SGCZ: variants seen among roughly 807,000 people sequenced by gnomAD.
SGCZ encodes sarcoglycan zeta.
In SGCZ, 40 loss-of-function variants were observed where a neutral mutation model predicts 41.3. That is an observed-to-expected ratio of 0.97 (90% CI 0.75 to 1.26). SGCZ has a LOEUF of 1.26. Ranked by LOEUF, SGCZ falls within the 50% of genes most tolerant of loss-of-function variation. The pLI is 0.00. For missense variants in SGCZ, 552 were observed against 369.8 expected, an observed-to-expected ratio of 1.49 and a Z score of -4.04; for synonymous variants, 206 against 137.5, an observed-to-expected ratio of 1.50 and a Z score of -3.49.
intron 1 of SGCZ, among the ~76,000 whole-genome samples, chr8:15,105,901 A>G (rs1367043679): frequency 6.6e-6 from 1 of 151,290 alleles, no homozygotes; most frequent in South Asian, 2.1e-4. Context: ...GCTTTTTGCC[A>G]AAAGAGCCAA....
intron 1 of SGCZ, among the ~76,000 whole-genome samples, chr8:14,707,888 A>G (rs568050875): frequency 6.6e-6 from 1 of 152,256 alleles, no homozygotes; most frequent in South Asian, 2.1e-4. Flanking sequence ...TAACAATAGC[A>G]TGCAATCATT....
At chr8:14,438,307 G>C (rs527316494) in intron 2 of SGCZ, among the ~76,000 whole-genome samples, 1 of 152,056 alleles carries the variant, frequency 6.6e-6, no homozygotes, top group South Asian at 2.1e-4. Flanking sequence ...GGTCAATAGA[G>C]TGTATTTATC....
At chr8:14,151,484 G>T (rs2116952473) in intron 5 of SGCZ, among the ~76,000 whole-genome samples, 1 of 151,832 alleles carries the variant, frequency 6.6e-6, no homozygotes, top group South Asian at 2.1e-4. Context: ...ATAGATCAGA[G>T]GATTCAATAT....
intron 1 of SGCZ, among the ~76,000 whole-genome samples, chr8:14,685,743 T>G (rs1197385132): frequency 6.6e-6 from 1 of 152,158 alleles, no homozygotes; most frequent in Non-Finnish European, 1.5e-5. Flanking sequence ...AATGTATGAT[T>G]TAATTTACAG....
chr8:14,223,848 T>C (rs1333116593), intron 4 of SGCZ, among the ~76,000 whole-genome samples: 1 of 152,158 alleles, frequency 6.6e-6, no homozygotes, highest in East Asian at 1.9e-4. Context: ...TTTCTCCCAC[T>C]AGGAAATGAA....
At chr8:14,822,073 T>TACACAC (rs57337707) in intron 1 of SGCZ, among the ~76,000 whole-genome samples, 12,178 of 141,538 alleles carry the variant, frequency 0.086, 1,034 homozygotes, top group African/African-American at 0.21. Flanking sequence ...CCCTAAAGAT[T>TACACAC]ACACACACAC....
chr8:14,714,575 A>G (rs1317724903), intron 1 of SGCZ, among the ~76,000 whole-genome samples: 1 of 152,196 alleles, frequency 6.6e-6, no homozygotes, highest in African/African-American at 2.4e-5. Context: ...CTTAGCCAAT[A>G]ATAATGTCAA....
intron 5 of SGCZ, among the ~76,000 whole-genome samples, chr8:14,122,939 T>A (rs1476122553): frequency 1.3e-5 from 2 of 152,210 alleles, no homozygotes; most frequent in Non-Finnish European, 2.9e-5. Context: ...CTCAACTGAA[T>A]GTCATCTTAA....
intron 2 of SGCZ, among the ~76,000 whole-genome samples, chr8:14,384,296 TATC>T (rs1310087759): frequency 1.3e-5 from 2 of 152,112 alleles, no homozygotes; most frequent in Non-Finnish European, 2.9e-5. Flanking sequence ...GACATGAACT[TATC>T]ATTTTTTTAT....
At position 14,088,599 on chromosome 8, in the gene SGCZ, G is replaced by A. The variant is rs991930843; in HGVS notation, c.*1844C>T. ...TTGTGTTATAACTTTGTAAGCAATC[G>A]TATATCATAAATTCTTATTTCAATA... is the stretch of plus-strand genomic sequence containing the variant. On this transcript the variant is annotated 3_prime_UTR_variant, in exon 8 of 8. Transcript: ENST00000382080. Among the ~76,000 whole-genome samples, 6 of 151,386 alleles carry A rather than the reference G, an allele frequency of 4.0e-5. No individual in the cohort carries two copies. The highest frequency in any genetic ancestry group is 2.1e-4 in the South Asian group (1 of 4,814).
chr8:15,148,016 A>G (rs1799082374), intron 1 of SGCZ, among the ~76,000 whole-genome samples: 1 of 152,006 alleles, frequency 6.6e-6, no homozygotes, highest in Non-Finnish European at 1.5e-5. Context: ...CCTGTGGTCC[A>G]AATTTACATT....
chr8:15,235,611 A>T (rs1045225166), intron 1 of SGCZ, among the ~76,000 whole-genome samples: 10 of 152,110 alleles, frequency 6.6e-5, no homozygotes, highest in Non-Finnish European at 1.2e-4. Context: ...TTAAGCTGAG[A>T]TCTTCTACTA....
At chr8:14,763,386 C>T (rs1190893905) in intron 1 of SGCZ, among the ~76,000 whole-genome samples, 1 of 152,142 alleles carries the variant, frequency 6.6e-6, no homozygotes, top group African/African-American at 2.4e-5. Flanking sequence ...CTCACATCTG[C>T]TCACTTACAA....
chr8:14,444,811 A>G (rs1800385830), intron 2 of SGCZ, among the ~76,000 whole-genome samples: 2 of 152,152 alleles, frequency 1.3e-5, no homozygotes. Context: ...TTAAAGTATA[A>G]TAATAATGAA....
At chr8:14,358,443 C>T (rs1000220140) in intron 2 of SGCZ, among the ~76,000 whole-genome samples, 2 of 152,008 alleles carry the variant, frequency 1.3e-5, no homozygotes, top group Non-Finnish European at 2.9e-5. Flanking sequence ...GTCTTACTGT[C>T]ACCAGATGGT....
At chr8:15,142,227 G>A (rs1212992141) in intron 1 of SGCZ, among the ~76,000 whole-genome samples, 1 of 152,138 alleles carries the variant, frequency 6.6e-6, no homozygotes, top group Non-Finnish European at 1.5e-5. Context: ...ATTTTATTGA[G>A]GGGTAGGGAA....
chr8:14,895,678 C>T (rs1454025971), intron 1 of SGCZ, among the ~76,000 whole-genome samples: 1 of 152,186 alleles, frequency 6.6e-6, no homozygotes, highest in Non-Finnish European at 1.5e-5. Flanking sequence ...TTAACTTCTA[C>T]TAAAATATTA....
At chr8:15,022,911 GC>G (rs1803310286) in intron 1 of SGCZ, among the ~76,000 whole-genome samples, 1 of 152,174 alleles carries the variant, frequency 6.6e-6, no homozygotes, top group Non-Finnish European at 1.5e-5. Context: ...ACGTTTCACA[GC>G]CAGTGTGTGG....
intron 2 of SGCZ, among the ~76,000 whole-genome samples, chr8:14,517,495 A>C (rs1802657767): frequency 6.6e-6 from 1 of 152,132 alleles, no homozygotes; most frequent in African/African-American, 2.4e-5. Flanking sequence ...ATTTTAACAA[A>C]GTGCTAAAAT....
Sources: gnomAD v4.1 joint callset for allele counts (sites outside exome capture counted in the v4.1 genomes callset) on GRCh38, gnomAD v4.1.1 for gene constraint, MANE v1.5 for transcripts, NCBI Gene and HGNC (gene_info 2026-07-23, HGNC 2026-07-21) for gene names.